GTF2IRD1: variants seen among roughly 807,000 people sequenced by gnomAD.
GTF2IRD1 encodes general transcription factor II-I repeat domain-containing protein 1.
Under a neutral mutation model 113.2 loss-of-function variants are expected in GTF2IRD1, and 26 were observed. The observed-to-expected ratio is 0.23, with a 90% confidence interval of 0.17 to 0.32. The LOEUF is 0.32. Among genes scored for constraint, GTF2IRD1 ranks in the 10% least tolerant of loss-of-function variants. The pLI, the probability that GTF2IRD1 is intolerant of heterozygous loss-of-function variation, is 1.00. For missense variants in GTF2IRD1, 864 were observed against 1,280.8 expected, an observed-to-expected ratio of 0.67 and a Z score of 4.97; for synonymous variants, 484 against 529.1, an observed-to-expected ratio of 0.91 and a Z score of 1.17.
At chr7:74,520,292 G>A (rs1052902276) in intron 6 of GTF2IRD1, among the ~76,000 whole-genome samples, 14 of 151,908 alleles carry the variant, frequency 9.2e-5, no homozygotes, top group African/African-American at 3.1e-4. Context: ...CCTGGAAGTA[G>A]GTCCTGGGGT....
intron 25 of GTF2IRD1, among the ~76,000 whole-genome samples, chr7:74,597,303 A>G (rs1320028057): frequency 2.0e-5 from 3 of 150,534 alleles, no homozygotes; most frequent in Non-Finnish European, 4.4e-5. Context: ...CGGCCCCCCA[A>G]AGTGCTGGGA....
intron 1 of GTF2IRD1, among the ~76,000 whole-genome samples, chr7:74,456,002 C>G (rs1351026164): frequency 6.6e-6 from 1 of 152,158 alleles, no homozygotes; most frequent in African/African-American, 2.4e-5. Flanking sequence ...ACTGTTCTCT[C>G]GATGTTGGGA....
At chr7:74,470,715 A>G (rs1554332101) in intron 1 of GTF2IRD1, among the ~76,000 whole-genome samples, 1 of 152,204 alleles carries the variant, frequency 6.6e-6, no homozygotes. Flanking sequence ...AATGATGGAT[A>G]CCACACCACC....
chr7:74,583,536 C>T (rs1160473373), intron 22 of GTF2IRD1, among the ~76,000 whole-genome samples: 1 of 151,864 alleles, frequency 6.6e-6, no homozygotes, highest in Non-Finnish European at 1.5e-5. Context: ...CACTCCACCC[C>T]TCCCACACTC....
intron 2 of GTF2IRD1, among the ~76,000 whole-genome samples, chr7:74,511,055 A>C (rs1162478502): frequency 2.0e-5 from 3 of 152,114 alleles, no homozygotes; most frequent in Non-Finnish European, 4.4e-5. Context: ...TCTCAAAAAA[A>C]AAAAAAAAAA....
Position 74,519,441 on chromosome 7 carries a change from C to A in GTF2IRD1, c.638C>A (p.Ala213Asp), listed in dbSNP as rs782097819. 9.0e-6 allele frequency: 14 copies of A among 1,555,332 alleles called. No homozygotes were observed. In the South Asian group the frequency reaches 1.6e-4, roughly 18 times the overall value. ...GAGGATGGCGGGCGGGACTCGAAGGCCCTGGTGGAGCTGAACGGTGTCTCC... is the reference window on the plus strand; with the variant it reads ...GAGGATGGCGGGCGGGACTCGAAGGACCTGGTGGAGCTGAACGGTGTCTCC... ...PLEDGGRDSK[A>D]LVELNGVSLI... The change falls in exon 6 of 27, where the codon GCC becomes GAC. Residue 213 changes from alanine to aspartate, a missense_variant. Transcript: ENST00000424337.
chr7:74,486,305 G>GT (rs1795022991), intron 1 of GTF2IRD1, among the ~76,000 whole-genome samples: 1 of 152,212 alleles, frequency 6.6e-6, no homozygotes, highest in South Asian at 2.1e-4. Context: ...GGTGTCTCGT[G>GT]TAACAGGAGG....
intron 14 of GTF2IRD1, among the ~76,000 whole-genome samples, chr7:74,543,767 G>C (rs766734505): frequency 1.7e-4 from 25 of 150,978 alleles, no homozygotes; most frequent in Non-Finnish European, 3.4e-4. Context: ...CAGCCGTGGT[G>C]GTACATGCCT....
In GTF2IRD1 at chr7:74,457,473, A is replaced by T. The variant is rs559204663; in HGVS notation, c.-7+3297A>T. Among the ~76,000 whole-genome samples, 7 of 152,274 alleles carry T rather than the reference A, an allele frequency of 4.6e-5. No individual in the cohort carries two copies. In the South Asian group the frequency reaches 1.5e-3, roughly 32 times the overall value. The stretch of plus-strand genomic sequence containing the variant: ...TGAGCCTTGACCTAAATGGCTAAGC[A>T]GACTCTCTCCTATTTTTCTTAAATG... On this transcript the variant is annotated intron_variant, in intron 1 of 26. Transcript: ENST00000424337.
intron 12 of GTF2IRD1, 63 bp from the exon 13 acceptor site, chr7:74,538,617 G>A (rs1787759243): frequency 8.5e-6 from 8 of 937,598 alleles, no homozygotes; most frequent in Non-Finnish European, 1.4e-5. Flanking sequence ...GTTCTGGAAA[G>A]AGTCACTCTG....
chr7:74,485,747 C>T (rs1794985456), intron 1 of GTF2IRD1, among the ~76,000 whole-genome samples: 1 of 152,032 alleles, frequency 6.6e-6, no homozygotes, highest in Non-Finnish European at 1.5e-5. Context: ...CATAGCAAGA[C>T]TCTGTCTCTA....
chr7:74,547,585 C>T (rs1236041253), intron 17 of GTF2IRD1, among the ~76,000 whole-genome samples: 1 of 151,300 alleles, frequency 6.6e-6, no homozygotes, highest in Non-Finnish European at 1.5e-5. Context: ...ACTACAGGTG[C>T]GCGCCACCAC....
Position 74,568,655 on chromosome 7 carries a change from AAG to A in GTF2IRD1, c.2320+9002_2320+9003del, listed in dbSNP as rs1554361609. ...AGAGCGAGACTCTGTCTCAAAAAAG[AAG>A]AAGAAGAAGAAGAAAAAGAAAGAAA... On this transcript the variant is annotated intron_variant, in intron 22 of 26. Transcript: ENST00000424337. Among the ~76,000 whole-genome samples the A allele has an allele frequency of 1.9e-3, 282 of 151,998 alleles. 1 individual carries two copies. The highest frequency in any genetic ancestry group is 5.9e-3 in the African/African-American group (243 of 41,486).
At position 74,515,444 on chromosome 7, in the gene GTF2IRD1, G is replaced by C. The variant is rs1554344391; in HGVS notation, c.269G>C (p.Gly90Ala). The change falls in exon 4 of 27, where the codon GGG becomes GCG. Residue 90 changes from glycine (G) to alanine (A), a missense_variant. By Grantham distance (60) the Gly-to-Ala change is moderately conservative. Coordinates refer to ENST00000424337, the MANE Select transcript of GTF2IRD1 (RefSeq NM_005685.4). ...LQSDFLRFCR[G>A]PPWKDPEAEH... ...TCGCGTGCTCTGTGTCCCACAGGAGGGCCCCCGTGGAAGGATCCGGAGGCA... is the reference window on the plus strand; with the variant it reads ...TCGCGTGCTCTGTGTCCCACAGGAGCGCCCCCGTGGAAGGATCCGGAGGCA... The C allele has an allele frequency of 1.9e-6, 3 of 1,583,558 alleles. No individual in the cohort carries two copies. In the South Asian group the frequency reaches 3.4e-5, roughly 18 times the overall value.
At chr7:74,596,459 CAAAAA>C (rs1184751959) in intron 25 of GTF2IRD1, among the ~76,000 whole-genome samples, 2 of 60,502 alleles carry the variant, frequency 3.3e-5, no homozygotes, top group Non-Finnish European at 3.2e-5. Flanking sequence ...GACTCTGTCT[CAAAAA>C]AAAAAAAAAA....
intron 22 of GTF2IRD1, among the ~76,000 whole-genome samples, chr7:74,578,313 G>T (rs1437056707): frequency 6.6e-6 from 1 of 151,972 alleles, no homozygotes; most frequent in South Asian, 2.1e-4. Context: ...AGCCTTCCGA[G>T]TAGCTGGGAC....
intron 1 of GTF2IRD1, among the ~76,000 whole-genome samples, chr7:74,471,672 T>TAAAAAAAAAAAAAAAAAAAAA (rs66929736): frequency 9.6e-6 from 1 of 104,680 alleles, no homozygotes; most frequent in South Asian, 3.5e-4. Context: ...TTGAAATATT[T>TAAAAAAAAAAAAAAAAAAAAA]AAAAAAAAAA....
chr7:74,500,720 T>C (rs1205064489), intron 1 of GTF2IRD1, among the ~76,000 whole-genome samples: 1 of 152,184 alleles, frequency 6.6e-6, no homozygotes, highest in Non-Finnish European at 1.5e-5. Context: ...TGATGCTTCC[T>C]TTTTTAAATT....
intron 23 of GTF2IRD1, among the ~76,000 whole-genome samples, chr7:74,590,243 G>A (rs587641551): frequency 7.9e-5 from 12 of 151,744 alleles, no homozygotes; most frequent in African/African-American, 2.9e-4. Context: ...AACACTCCCG[G>A]CTAATTTTTC....
Sources: allele counts gnomAD v4.1 joint callset (sites outside exome capture counted in the v4.1 genomes callset), GRCh38; gene constraint gnomAD v4.1.1; transcripts MANE v1.5; gene names NCBI Gene and HGNC (gene_info 2026-07-23, HGNC 2026-07-21).